TMEM132D: variants seen among roughly 807,000 people sequenced by gnomAD.
The protein encoded by TMEM132D is transmembrane protein 132D.
A neutral mutation model predicts 62.3 loss-of-function variants in TMEM132D; 21 were observed. The observed-to-expected ratio is 0.34, with a 90% confidence interval of 0.24 to 0.49. The LOEUF (loss-of-function observed/expected upper bound fraction) is 0.49. Ranked by LOEUF, TMEM132D falls within the 20% of genes least tolerant of loss-of-function variation. The pLI is 0.99. For missense variants in TMEM132D, 1,346 were observed against 1,402.8 expected (o/e 0.96, Z 0.65); for synonymous variants, 621 against 575.6 (o/e 1.08, Z -1.13).
chr12:129,836,079 T>C (rs1423412012), intron 1 of TMEM132D, among the ~76,000 whole-genome samples: 1 of 152,250 alleles, frequency 6.6e-6, no homozygotes, highest in Admixed American at 6.5e-5. Flanking sequence ...TCCCAGCTCA[T>C]GTAACTGTGT....
chr12:129,860,169 C>A (rs1184034459), intron 1 of TMEM132D, among the ~76,000 whole-genome samples: 1 of 152,216 alleles, frequency 6.6e-6, no homozygotes, highest in Non-Finnish European at 1.5e-5. Flanking sequence ...CACTCTGCCT[C>A]TGTGGACATT....
At chr12:129,600,082 G>A (rs180984326) in intron 2 of TMEM132D, among the ~76,000 whole-genome samples, 2 of 152,358 alleles carry the variant, frequency 1.3e-5, no homozygotes, top group East Asian at 1.9e-4. Flanking sequence ...ACCCACAGCA[G>A]AACGTCCTTC....
intron 1 of TMEM132D, among the ~76,000 whole-genome samples, chr12:129,825,686 A>G (rs1872644354): frequency 6.6e-6 from 1 of 152,072 alleles, no homozygotes; most frequent in Non-Finnish European, 1.5e-5. Context: ...GCTGCATGGT[A>G]TGGGGTGGAC....
chr12:129,751,252 C>A (rs1055624851), intron 1 of TMEM132D, among the ~76,000 whole-genome samples: 1 of 151,968 alleles, frequency 6.6e-6, no homozygotes, highest in Non-Finnish European at 1.5e-5. Flanking sequence ...TGGTGGGAGG[C>A]AAAGGAGGAG....
chr12:129,773,155 T>C (rs1870812099), intron 1 of TMEM132D, among the ~76,000 whole-genome samples: 1 of 152,256 alleles, frequency 6.6e-6, no homozygotes, highest in South Asian at 2.1e-4. Context: ...GGATTCATGC[T>C]GACGAAATAA....
At chr12:129,365,985 A>G (rs942653157) in intron 3 of TMEM132D, among the ~76,000 whole-genome samples, 5 of 152,060 alleles carry the variant, frequency 3.3e-5, no homozygotes, top group African/African-American at 4.8e-5. Context: ...AGTCCCTCAG[A>G]GGGAACTTCC....
At chr12:129,095,133 GTAAC>G (rs1875059646) in intron 5 of TMEM132D, among the ~76,000 whole-genome samples, 3 of 151,888 alleles carry the variant, frequency 2.0e-5, no homozygotes, top group Admixed American at 2.0e-4. Flanking sequence ...GTATACATAT[GTAAC>G]TAACCTGCAT....
intron 1 of TMEM132D, among the ~76,000 whole-genome samples, chr12:129,716,863 T>C (rs1219149011): frequency 7.2e-5 from 11 of 152,214 alleles, no homozygotes; most frequent in Non-Finnish European, 1.5e-5. Flanking sequence ...AGAAAACGAA[T>C]CTAGAAGACA....
chr12:129,540,147 A>G (rs1002167889), intron 2 of TMEM132D, among the ~76,000 whole-genome samples: 1 of 152,048 alleles, frequency 6.6e-6, no homozygotes, highest in African/African-American at 2.4e-5. Flanking sequence ...CTTTCTGCAC[A>G]TCGTCTTTAG....
chr12:129,662,361 T>C (rs1880258621), intron 2 of TMEM132D, among the ~76,000 whole-genome samples: 1 of 152,212 alleles, frequency 6.6e-6, no homozygotes, highest in Admixed American at 6.5e-5. Flanking sequence ...GCCAAGTTAT[T>C]TACAAGGAGA....
intron 2 of TMEM132D, among the ~76,000 whole-genome samples, chr12:129,535,095 A>T (rs1424382644): frequency 6.6e-6 from 1 of 152,118 alleles, no homozygotes; most frequent in Non-Finnish European, 1.5e-5. Flanking sequence ...TCTCTGTTCC[A>T]CTCAGTCATT....
chr12:129,605,604 TACACACAC>T (rs1555221323), intron 2 of TMEM132D, among the ~76,000 whole-genome samples: 119 of 106,068 alleles, frequency 1.1e-3, no homozygotes, highest in South Asian at 4.0e-3. Flanking sequence ...TATATATATA[TACACACAC>T]ATATATATAT....
At chr12:129,802,228 C>T (rs1404306391) in intron 1 of TMEM132D, among the ~76,000 whole-genome samples, 2 of 146,664 alleles carry the variant, frequency 1.4e-5, no homozygotes, top group South Asian at 2.3e-4. Flanking sequence ...CTCCAAGACA[C>T]ATAATTGTCA....
chr12:129,151,457 G>A (rs945961419), intron 5 of TMEM132D, among the ~76,000 whole-genome samples: 10 of 152,282 alleles, frequency 6.6e-5, no homozygotes, highest in South Asian at 2.1e-4. Flanking sequence ...CGGTGTCTCC[G>A]ACACCATCAC....
chr12:129,596,542 T>G (rs996186738), intron 2 of TMEM132D, among the ~76,000 whole-genome samples: 1 of 152,208 alleles, frequency 6.6e-6, no homozygotes, highest in South Asian at 2.1e-4. Flanking sequence ...ATGTCCCTGA[T>G]AGAAAATAGT....
chr12:129,245,063 T>G (rs868030575), intron 4 of TMEM132D, among the ~76,000 whole-genome samples: 1 of 152,220 alleles, frequency 6.6e-6, no homozygotes, highest in Non-Finnish European at 1.5e-5. Flanking sequence ...TCCTGATATA[T>G]TACTAATAAC....
At chr12:129,553,729 T>C (rs1346186934) in intron 2 of TMEM132D, among the ~76,000 whole-genome samples, 1 of 152,214 alleles carries the variant, frequency 6.6e-6, no homozygotes, top group Non-Finnish European at 1.5e-5. Context: ...TCTCTAAATT[T>C]ATCACTCTAG....
At chr12:129,333,233 G>A (rs948152620) in intron 4 of TMEM132D, among the ~76,000 whole-genome samples, 1 of 152,226 alleles carries the variant, frequency 6.6e-6, no homozygotes, top group Non-Finnish European at 1.5e-5. Context: ...ACTATGCATA[G>A]CAAGTGGAAT....
At chr12:129,291,212 A>G (rs1052485438) in intron 4 of TMEM132D, among the ~76,000 whole-genome samples, 3 of 152,192 alleles carry the variant, frequency 2.0e-5, no homozygotes, top group Admixed American at 2.0e-4. Context: ...TTTTAATATT[A>G]TGCAGCCCTA....
Sources: gnomAD v4.1 joint callset for allele counts (sites outside exome capture counted in the v4.1 genomes callset) on GRCh38, gnomAD v4.1.1 for gene constraint, MANE v1.5 for transcripts, NCBI Gene and HGNC (gene_info 2026-07-23, HGNC 2026-07-21) for gene names.